KLF7: variants seen among roughly 807,000 people sequenced by gnomAD.
KLF7 encodes KLF transcription factor 7.
In KLF7, 2 loss-of-function variants were observed where a neutral mutation model predicts 27.3. The ratio of observed to expected loss-of-function variants is 0.07; its 90% confidence interval spans 0.03 to 0.23. The LOEUF (loss-of-function observed/expected upper bound fraction) is 0.23. KLF7 is among the 10% of genes least tolerant of loss of function. The pLI, the probability that KLF7 is intolerant of heterozygous loss-of-function variation, is 1.00. For synonymous variants in KLF7, 165 were observed against 162.4 expected (o/e 1.02, Z -0.12); for missense variants, 221 against 394.1 (o/e 0.56, Z 3.72).
At chr2:207,153,050 A>T (rs1483039069) in intron 1 of KLF7, among the ~76,000 whole-genome samples, 1 of 152,172 alleles carries the variant, frequency 6.6e-6, no homozygotes, top group Non-Finnish European at 1.5e-5. Context: ...ACTGTTCCTA[A>T]ATCTACCTAC....
upstream of KLF7, chr2:207,167,234 A>ATCTG: frequency 9.1e-7 from 1 of 1,093,154 alleles, no homozygotes; most frequent in Non-Finnish European, 1.2e-6. Flanking sequence ...ACATAGAGAG[A>ATCTG]TCTGTTACAT....
At chr2:207,094,660 G>A (rs1205031324) in intron 2 of KLF7, among the ~76,000 whole-genome samples, 4 of 152,206 alleles carry the variant, frequency 2.6e-5, no homozygotes, top group African/African-American at 4.8e-5. Context: ...AGTAACCGGT[G>A]AATTTCACTC....
At chr2:207,133,740 G>C (rs923706649) in intron 1 of KLF7, among the ~76,000 whole-genome samples, 35 of 152,228 alleles carry the variant, frequency 2.3e-4, no homozygotes, top group Non-Finnish European at 4.4e-4. Context: ...CTCTTAAGAG[G>C]GGGAGGGGGG....
At chr2:207,147,685 C>T (rs1453071298) in intron 1 of KLF7, among the ~76,000 whole-genome samples, 5 of 152,162 alleles carry the variant, frequency 3.3e-5, no homozygotes, top group African/African-American at 1.2e-4. Flanking sequence ...CTTACGACCA[C>T]ACCCACCCAA....
At chr2:207,170,903 G>A (rs1320922102), upstream of KLF7, among the ~76,000 whole-genome samples, 2 of 151,858 alleles carry the variant, frequency 1.3e-5, no homozygotes, top group Non-Finnish European at 2.9e-5. Context: ...CATCCATTAT[G>A]CAGCCTGTGG....
chr2:207,094,436 G>C (rs1356621931), intron 2 of KLF7, among the ~76,000 whole-genome samples: 1 of 152,120 alleles, frequency 6.6e-6, no homozygotes, highest in African/African-American at 2.4e-5. Context: ...TAAGAATTTG[G>C]AAACTCTGCA....
chr2:207,081,342 T>C lies in KLF7; in HGVS notation c.858-78A>G, dbSNP rs2076267316. On this transcript the variant is annotated intron_variant, in intron 3 of 3. Transcript: ENST00000309446. ...CTTGCATCACTCCTTAGGAAATGAT[T>C]TCCCTTACTTTAAACAGAGACAGTG... 7 of 1,223,008 alleles carry C rather than the reference T, an allele frequency of 5.7e-6. No homozygotes were observed. In the South Asian group the frequency reaches 8.5e-5, roughly 15 times the overall value. 75.8% of individuals were successfully genotyped at this position (1,223,008 alleles called of 1,614,324 possible). A position where few individuals can be genotyped will look rare whatever the true frequency, so the allele number is the denominator to read the frequency against.
At chr2:207,141,268 C>G (rs1485672166) in intron 1 of KLF7, among the ~76,000 whole-genome samples, 1 of 152,186 alleles carries the variant, frequency 6.6e-6, no homozygotes, top group Non-Finnish European at 1.5e-5. Flanking sequence ...ATTTCAGACT[C>G]TGGACTGCAG....
At position 207,092,340 on chromosome 2, in the gene KLF7, A is replaced by G. The variant is rs572816008; in HGVS notation, c.734-3759T>C. Among the ~76,000 whole-genome samples the G allele has an allele frequency of 2.6e-3, 390 of 152,344 alleles. 2 individuals are homozygous for G. The highest frequency in any genetic ancestry group is 9.0e-3 in the African/African-American group (375 of 41,582). The stretch of plus-strand genomic sequence containing the variant: ...ACACCACCCAGAGGGTGGGTGAGGC[A>G]GTGAGGCTGTGCCCCCACAGCTCAC... On this transcript the variant is annotated intron_variant, in intron 2 of 3. Transcript: ENST00000309446.
At chr2:207,095,815 C>T (rs1454698551) in intron 2 of KLF7, among the ~76,000 whole-genome samples, 1 of 152,090 alleles carries the variant, frequency 6.6e-6, no homozygotes, top group Non-Finnish European at 1.5e-5. Context: ...TAAAATATTT[C>T]TCACTAATAA....
At chr2:207,127,094 T>C (rs1033450202) in intron 1 of KLF7, among the ~76,000 whole-genome samples, 5 of 152,190 alleles carry the variant, frequency 3.3e-5, no homozygotes, top group Non-Finnish European at 5.9e-5. Context: ...AAGTAACTTA[T>C]GCAGTATGCC....
intron 3 of KLF7, among the ~76,000 whole-genome samples, chr2:207,082,650 CTCCCCCT>C (rs1410259794): frequency 6.6e-6 from 1 of 152,178 alleles, no homozygotes; most frequent in Non-Finnish European, 1.5e-5. Flanking sequence ...AGTGTATGCT[CTCCCCCT>C]GGATCATTCG....
intron 1 of KLF7, 150 bp from the exon 2 acceptor site, chr2:207,124,554 T>C: frequency 1.4e-6 from 1 of 713,068 alleles, no homozygotes; most frequent in Non-Finnish European, 2.3e-6. Flanking sequence ...GACCTTGTTA[T>C]TTATTCTCTG....
rs914184505 is a variant in KLF7, at chr2:207,081,034, T to C, written c.*179A>G. ...ATAGTTGAGTGCATGACAGTGTGTATGTGTGTGGGTCTGTGAGTGTGTGTA... is the reference window on the plus strand; with the variant it reads ...ATAGTTGAGTGCATGACAGTGTGTACGTGTGTGGGTCTGTGAGTGTGTGTA... On this transcript the variant is annotated 3_prime_UTR_variant, in exon 4 of 4. Coordinates refer to ENST00000309446, the MANE Select transcript of KLF7 (RefSeq NM_003709.4). 26 of 656,836 alleles carry C rather than the reference T, an allele frequency of 4.0e-5. No homozygotes were observed. The highest frequency in any genetic ancestry group is 6.3e-5 in the Non-Finnish European group (23 of 365,452). The allele number at this position is 656,836 out of a possible 1,614,324, so 40.7% of individuals were successfully genotyped here.
rs1211358463 is a variant in KLF7 at position 207,077,062 on chromosome 2, G to C, written c.*4151C>G. The stretch of plus-strand genomic sequence containing the variant: ...GCCTACCTTCTTCCTGCTCCTAAAA[G>C]CAACTCATGCAAAAGAGAAGACAGA... On this transcript the variant is annotated 3_prime_UTR_variant, in exon 4 of 4. Transcript: ENST00000309446. The C allele has an allele frequency of 6.6e-6, 1 of 152,118 alleles. No individual in the cohort carries two copies. Among genetic ancestry groups the C allele is most frequent in the Non-Finnish European group, 1.5e-5 (1 of 68,026 alleles). 9.4% of individuals were successfully genotyped at this position (152,118 alleles called of 1,614,324 possible).
intron 3 of KLF7, among the ~76,000 whole-genome samples, chr2:207,086,991 G>C (rs1198305312): frequency 6.6e-6 from 1 of 152,226 alleles, no homozygotes; most frequent in Non-Finnish European, 1.5e-5. Context: ...CAGAGTGAGA[G>C]AGGCACAAAG....
chr2:207,155,483 T>C (rs535126195), intron 1 of KLF7, among the ~76,000 whole-genome samples: 1 of 152,260 alleles, frequency 6.6e-6, no homozygotes. Flanking sequence ...AATGTGCCAA[T>C]GACAAAAGAC....
At chr2:207,119,310 GTC>G (rs1194637566) in intron 2 of KLF7, among the ~76,000 whole-genome samples, 2 of 152,168 alleles carry the variant, frequency 1.3e-5, no homozygotes, top group Admixed American at 1.3e-4. Flanking sequence ...AATTTGAAAA[GTC>G]TGTTTACTTA....
At chr2:207,120,121 T>C (rs954288166) in intron 2 of KLF7, among the ~76,000 whole-genome samples, 2 of 152,206 alleles carry the variant, frequency 1.3e-5, no homozygotes, top group African/African-American at 4.8e-5. Context: ...TTTACTTCCT[T>C]GGGCAACCTG....
Sources: allele counts gnomAD v4.1 joint callset (sites outside exome capture counted in the v4.1 genomes callset), GRCh38; gene constraint gnomAD v4.1.1; transcripts MANE v1.5; gene names NCBI Gene and HGNC (gene_info 2026-07-23, HGNC 2026-07-21).